Variants in DOCK3 observed in about 807,000 individuals in gnomAD.
DOCK3 encodes dedicator of cytokinesis 3.
Under a neutral mutation model 265.6 loss-of-function variants are expected in DOCK3, and 60 were observed. The observed-to-expected ratio is 0.23, with a 90% CI of 0.18 to 0.28. DOCK3 has a LOEUF of 0.28. Ranked by LOEUF, DOCK3 falls within the 10% of genes least tolerant of loss-of-function variation. The pLI, the probability that DOCK3 is intolerant of heterozygous loss-of-function variation, is 1.00. For synonymous variants in DOCK3, 881 were observed against 938.0 expected (o/e 0.94, Z 1.11); for missense variants, 1,981 against 2,594.3 (o/e 0.76, Z 5.14).
chr3:50,701,457 G>C (rs2036034972), intron 1 of DOCK3, among the ~76,000 whole-genome samples: 1 of 152,036 alleles, frequency 6.6e-6, no homozygotes, highest in African/African-American at 2.4e-5. Flanking sequence ...TGGTTTTGCT[G>C]TTGAGTTCCT....
At chr3:51,085,612 C>T (rs896062074) in intron 7 of DOCK3, among the ~76,000 whole-genome samples, 3 of 152,100 alleles carry the variant, frequency 2.0e-5, no homozygotes, top group African/African-American at 7.2e-5. Flanking sequence ...TAAAAACTTG[C>T]TTGAAACAAG....
chr3:51,247,008 A>G (rs1199842831), intron 22 of DOCK3, among the ~76,000 whole-genome samples: 1 of 152,170 alleles, frequency 6.6e-6, no homozygotes, highest in Admixed American at 6.5e-5. Context: ...AATTTTAAAG[A>G]AGGAGGGAGA....
intron 1 of DOCK3, among the ~76,000 whole-genome samples, chr3:50,772,085 C>T (rs1339947245): frequency 6.6e-6 from 1 of 152,156 alleles, no homozygotes; most frequent in Non-Finnish European, 1.5e-5. Context: ...ATGTGGTACA[C>T]ATACACAACG....
At chr3:51,249,193 G>A (rs2079026991) in intron 22 of DOCK3, among the ~76,000 whole-genome samples, 1 of 138,456 alleles carries the variant, frequency 7.2e-6, no homozygotes, top group Non-Finnish European at 1.6e-5. Context: ...CCATCCGGCA[G>A]GGAGGTGGGG....
At chr3:50,830,391 C>T (rs956604428) in intron 2 of DOCK3, among the ~76,000 whole-genome samples, 2 of 152,200 alleles carry the variant, frequency 1.3e-5, no homozygotes, top group Non-Finnish European at 2.9e-5. Context: ...TTCTACCTGT[C>T]TCTACTTCCT....
At chr3:51,062,880 C>T (rs149985721) in intron 5 of DOCK3, among the ~76,000 whole-genome samples, 28 of 152,250 alleles carry the variant, frequency 1.8e-4, no homozygotes, top group African/African-American at 5.5e-4. Context: ...CGTCAAGATT[C>T]CAATTTTCCA....
intron 28 of DOCK3, among the ~76,000 whole-genome samples, chr3:51,310,746 A>T (rs1426317720): frequency 6.6e-6 from 1 of 152,182 alleles, no homozygotes; most frequent in Non-Finnish European, 1.5e-5. Context: ...ACTGACATAG[A>T]ATTTACTCTA....
chr3:50,795,361 C>T (rs1335862667), intron 2 of DOCK3, among the ~76,000 whole-genome samples: 1 of 152,114 alleles, frequency 6.6e-6, no homozygotes, highest in Non-Finnish European at 1.5e-5. Context: ...CTTTCAGGGA[C>T]ACCAATGAGT....
intron 5 of DOCK3, among the ~76,000 whole-genome samples, chr3:51,025,064 T>C (rs768352565): frequency 3.3e-5 from 5 of 152,162 alleles, no homozygotes; most frequent in Non-Finnish European, 7.4e-5. Context: ...ACAGTGGGAT[T>C]TGAGCTTGCC....
rs1401552255 is a variant in DOCK3 at position 51,176,791 on chromosome 3, AAG to A, written c.1037+16093_1037+16094del. On this transcript the variant is annotated intron_variant, in intron 12 of 52. Transcript: ENST00000266037. ...CTATGAACTAGTGAATCAAATAAGA[AAG>A]AGATGAAAAAAATAAATTATACAAC... is the stretch of plus-strand genomic sequence containing the variant. Among the ~76,000 whole-genome samples the A allele has an allele frequency of 2.0e-5, 3 of 152,302 alleles. No individual in the cohort carries two copies. In the South Asian group the frequency reaches 6.2e-4, roughly 32 times the overall value.
At chr3:51,281,274 A>AATATATATATATATATATATATATAT (rs56084027) in intron 27 of DOCK3, among the ~76,000 whole-genome samples, 24 of 125,660 alleles carry the variant, frequency 1.9e-4, no homozygotes, top group African/African-American at 6.7e-4. Context: ...GATGAGCTAA[A>AATATATATATATATATATATATATAT]ATATATATAT....
intron 21 of DOCK3, among the ~76,000 whole-genome samples, chr3:51,241,782 C>T (rs2078622069): frequency 6.6e-6 from 1 of 152,152 alleles, no homozygotes; most frequent in African/African-American, 2.4e-5. Flanking sequence ...AGGTCAGTTA[C>T]ATTCTTTTCT....
intron 31 of DOCK3, among the ~76,000 whole-genome samples, chr3:51,314,401 T>C (rs2083253522): frequency 6.6e-6 from 1 of 152,024 alleles, no homozygotes; most frequent in Non-Finnish European, 1.5e-5. Context: ...AAGCCAGCCT[T>C]TTAGGGTAGG....
At chr3:50,974,753 T>G (rs1575653104) in intron 5 of DOCK3, among the ~76,000 whole-genome samples, 4 of 135,430 alleles carry the variant, frequency 3.0e-5, no homozygotes, top group South Asian at 5.7e-4. Context: ...TTCACGATAT[T>G]GATTCTTCCT....
chr3:51,140,618 G>GAGT (rs1392238178), intron 9 of DOCK3, among the ~76,000 whole-genome samples: 1 of 152,016 alleles, frequency 6.6e-6, no homozygotes, highest in Non-Finnish European at 1.5e-5. Flanking sequence ...ATATACCTAG[G>GAGT]AGTAGAATTT....
chr3:50,684,118 A>C (rs1394314347), intron 1 of DOCK3, among the ~76,000 whole-genome samples: 1 of 151,712 alleles, frequency 6.6e-6, no homozygotes, highest in African/African-American at 2.4e-5. Flanking sequence ...GTTAACTGAA[A>C]AAGCTCAAAT....
At chr3:51,178,067 T>C (rs1024816056) in intron 12 of DOCK3, among the ~76,000 whole-genome samples, 1 of 135,038 alleles carries the variant, frequency 7.4e-6, no homozygotes, top group Non-Finnish European at 1.6e-5. Context: ...ACAAACAAAA[T>C]CCATCTATAT....
At chr3:50,762,688 A>G (rs777376671) in intron 1 of DOCK3, among the ~76,000 whole-genome samples, 1 of 152,046 alleles carries the variant, frequency 6.6e-6, no homozygotes, top group African/African-American at 2.4e-5. Context: ...GGGTTGAGGA[A>G]GTTATATTGT....
chr3:51,312,836 A>G lies in DOCK3; in HGVS notation c.3195-8A>G, dbSNP rs1161960465. The G allele has an allele frequency of 1.6e-5, 26 of 1,608,510 alleles. No homozygotes were observed. The highest frequency in any genetic ancestry group is 2.1e-5 in the Non-Finnish European group (25 of 1,177,380). On this transcript the variant is annotated splice_region_variant and splice_polypyrimidine_tract_variant and intron_variant, in intron 30 of 52. Coordinates refer to ENST00000266037, the MANE Select transcript of DOCK3 (RefSeq NM_004947.5). ...ACTAACGGTTGGCTCCTGTGTTACT[A>G]TTCTTAGGTATGGGGACATGCGTGT...
Sources: allele counts gnomAD v4.1 joint callset (sites outside exome capture counted in the v4.1 genomes callset), GRCh38; gene constraint gnomAD v4.1.1; transcripts MANE v1.5; gene names NCBI Gene and HGNC (gene_info 2026-07-23, HGNC 2026-07-21).